The following CNTN5 variants were observed in gnomAD, a reference collection of about 807,000 sequenced individuals.
CNTN5 encodes contactin-5.
A neutral mutation model predicts 129.1 loss-of-function variants in CNTN5; 77 were observed. The observed-to-expected ratio is 0.60, with a 90% confidence interval of 0.50 to 0.72. CNTN5 has a LOEUF of 0.72. Ranked by LOEUF, CNTN5 falls within the 30% of genes least tolerant of loss-of-function variation. The pLI is 0.00. For synonymous variants in CNTN5, 509 were observed against 465.6 expected (o/e 1.09, Z -1.20); for missense variants, 1,478 against 1,328.8 (o/e 1.11, Z -1.75).
At chr11:99,418,007 A>G (rs1328635490) in intron 2 of CNTN5, among the ~76,000 whole-genome samples, 1 of 152,162 alleles carries the variant, frequency 6.6e-6, no homozygotes, top group Non-Finnish European at 1.5e-5. Context: ...TTATGAATAT[A>G]TAGCCTTGGT....
chr11:99,577,029 T>A (rs147723966), intron 3 of CNTN5, among the ~76,000 whole-genome samples: 11 of 152,312 alleles, frequency 7.2e-5, no homozygotes, highest in Non-Finnish European at 1.5e-4. Flanking sequence ...GGGATTTCTA[T>A]GGTATTATGA....
chr11:99,081,947 G>T (rs1339890960), intron 1 of CNTN5, among the ~76,000 whole-genome samples: 1 of 152,166 alleles, frequency 6.6e-6, no homozygotes, highest in Non-Finnish European at 1.5e-5. Context: ...GAAATTCATA[G>T]ATAATATAAC....
At chr11:99,558,205 T>TG (rs1450727193) in intron 3 of CNTN5, 1 of 309,374 alleles carries the variant, frequency 3.2e-6, no homozygotes, top group Non-Finnish European at 6.4e-6. Context: ...TTTCTTTTTT[T>TG]TGTGCAGCAT....
intron 4 of CNTN5, among the ~76,000 whole-genome samples, chr11:99,835,990 A>G (rs1462757085): frequency 6.6e-6 from 1 of 152,088 alleles, no homozygotes; most frequent in African/African-American, 2.4e-5. Flanking sequence ...AAGTGAAAGC[A>G]AGTTTATTAA....
intron 8 of CNTN5, among the ~76,000 whole-genome samples, chr11:99,980,603 G>A (rs1222198452): frequency 1.3e-5 from 2 of 152,200 alleles, no homozygotes; most frequent in Admixed American, 6.5e-5. Flanking sequence ...TTTTGAAGAA[G>A]AAAAAGTACG....
At chr11:99,872,768 C>T (rs1365855335) in intron 6 of CNTN5, among the ~76,000 whole-genome samples, 1 of 152,072 alleles carries the variant, frequency 6.6e-6, no homozygotes, top group Admixed American at 6.6e-5. Flanking sequence ...GTACCAGTTT[C>T]TCAAAACATT....
At position 100,224,793 on chromosome 11, in the gene CNTN5, G is replaced by A; in HGVS notation, c.1986G>A (p.Glu662=). 1 of 1,613,110 alleles carries A rather than the reference G, an allele frequency of 6.2e-7. No homozygotes were observed. The highest frequency in any genetic ancestry group is 8.5e-7 in the Non-Finnish European group (1 of 1,179,226). ...CCACAGCAGACAGTGTGTCAGATGA[G>A]GCAGAACTTCTTGTTAGGGGTGAGT... ...VQTTADSVSD[E]AELLVRGPPG... The change falls in exon 16 of 25, where the codon GAG becomes GAA. Residue 662 remains glutamate, a synonymous_variant. Coordinates refer to ENST00000524871, the MANE Select transcript of CNTN5 (RefSeq NM_014361.4).
At chr11:100,130,290 A>C (rs561312696) in intron 13 of CNTN5, among the ~76,000 whole-genome samples, 1 of 152,150 alleles carries the variant, frequency 6.6e-6, no homozygotes, top group South Asian at 2.1e-4. Context: ...CATTCAGTAC[A>C]TTTCTTTAAA....
chr11:99,569,879 G>A (rs932059029), intron 3 of CNTN5, among the ~76,000 whole-genome samples: 70 of 151,904 alleles, frequency 4.6e-4, no homozygotes, highest in African/African-American at 1.6e-3. Flanking sequence ...GAAATAAGCT[G>A]AGATTTCTTT....
chr11:99,958,508 G>C (rs1950860133), intron 8 of CNTN5, among the ~76,000 whole-genome samples: 1 of 152,144 alleles, frequency 6.6e-6, no homozygotes, highest in African/African-American at 2.4e-5. Flanking sequence ...ATTGGGAATA[G>C]GTAATCAGAT....
At chr11:99,971,958 CAAA>C (rs888889176) in intron 8 of CNTN5, among the ~76,000 whole-genome samples, 14 of 147,850 alleles carry the variant, frequency 9.5e-5, no homozygotes, top group Non-Finnish European at 1.2e-4. Context: ...GAAAAAAAAA[CAAA>C]AAAAACGGGT....
intron 1 of CNTN5, among the ~76,000 whole-genome samples, chr11:99,228,074 T>G (rs1860784605): frequency 6.6e-6 from 1 of 152,060 alleles, no homozygotes; most frequent in South Asian, 2.1e-4. Context: ...ACTTTTTTTT[T>G]GAAACTGTAA....
At chr11:100,118,333 C>T (rs751327682) in intron 13 of CNTN5, among the ~76,000 whole-genome samples, 20 of 151,684 alleles carry the variant, frequency 1.3e-4, no homozygotes, top group Non-Finnish European at 1.8e-4. Context: ...ACTGTGATCC[C>T]GAATTTCTTG....
In CNTN5 at chr11:99,363,401, T is replaced by A. The variant is rs561875049; in HGVS notation, c.-71+37917T>A. Among the ~76,000 whole-genome samples, 4 of 152,274 alleles carry A rather than the reference T, an allele frequency of 2.6e-5. No homozygotes were observed. The South Asian group carries it at 8.3e-4, about 32-fold the overall frequency. ...TTAATCAACTTTTACTAGGTTATGC[T>A]GCAAGATAAGAAACTAAATGTTACA... is the stretch of plus-strand genomic sequence containing the variant. On this transcript the variant is annotated intron_variant, in intron 2 of 24. Transcript: ENST00000524871.
intron 8 of CNTN5, among the ~76,000 whole-genome samples, chr11:99,980,561 C>A (rs1938267944): frequency 6.6e-6 from 1 of 152,094 alleles, no homozygotes; most frequent in Admixed American, 6.5e-5. Flanking sequence ...AAAGGAGGGT[C>A]CCTTCCACTA....
intron 2 of CNTN5, among the ~76,000 whole-genome samples, chr11:99,414,067 A>G (rs1268888102): frequency 6.6e-6 from 1 of 152,296 alleles, no homozygotes; most frequent in African/African-American, 2.4e-5. Flanking sequence ...AGTGATCCCA[A>G]GTTGTCAGTG....
chr11:99,976,835 T>G (rs2137334104), intron 8 of CNTN5, among the ~76,000 whole-genome samples: 1 of 152,362 alleles, frequency 6.6e-6, no homozygotes, highest in South Asian at 2.1e-4. Context: ...TATTAACATA[T>G]AGCTCCTACT....
intron 6 of CNTN5, among the ~76,000 whole-genome samples, chr11:99,902,298 C>G (rs1949380257): frequency 6.7e-6 from 1 of 148,690 alleles, no homozygotes; most frequent in Non-Finnish European, 1.5e-5. Flanking sequence ...AAGAATAACA[C>G]TTCATCACAT....
At chr11:100,294,736 T>A (rs577478474) in intron 18 of CNTN5, among the ~76,000 whole-genome samples, 1 of 151,760 alleles carries the variant, frequency 6.6e-6, no homozygotes, top group East Asian at 1.9e-4. Flanking sequence ...ATTTTGTGCT[T>A]CTAGCAAGAA....
Sources: gnomAD v4.1 joint callset for allele counts (sites outside exome capture counted in the v4.1 genomes callset) on GRCh38, gnomAD v4.1.1 for gene constraint, MANE v1.5 for transcripts, NCBI Gene and HGNC (gene_info 2026-07-23, HGNC 2026-07-21) for gene names.